Variants in GPR139 observed in about 807,000 individuals in gnomAD.
GPR139 encodes the protein G protein-coupled receptor 139, also known as probable G protein-coupled receptor 139.
Under a neutral mutation model 25.8 loss-of-function variants are expected in GPR139, and 12 were observed. That is an observed-to-expected ratio of 0.47 (90% CI 0.30 to 0.75). The LOEUF is 0.75. Ranked by LOEUF, GPR139 falls within the 30% of genes least tolerant of loss-of-function variation. The pLI is 0.07. For missense variants in GPR139, 380 were observed against 450.2 expected, an observed-to-expected ratio of 0.84 and a Z score of 1.41; for synonymous variants, 184 against 179.9, an observed-to-expected ratio of 1.02 and a Z score of -0.18.
Position 20,031,798 on chromosome 16 carries a change from G to A in GPR139, c.999C>T (p.His333=). 1 of 1,614,244 alleles carries A rather than the reference G, an allele frequency of 6.2e-7. No individual in the cohort carries two copies. Among genetic ancestry groups the A allele is most frequent in the Non-Finnish European group, 8.5e-7 (1 of 1,180,046 alleles). Residue 333 remains histidine (H), a synonymous_variant, in exon 2 of 2, where the codon CAC becomes CAT. Transcript: ENST00000570682. ...SSPWISPANS[H]CIKMLVYQYD... is the part of the protein sequence containing the mutation. Reference sequence around the variant, plus strand: ...ACTGGTACACCAGCATCTTGATGCAGTGTGAGTTTGCCGGCGAGATCCAGG... The same window carrying A: ...ACTGGTACACCAGCATCTTGATGCAATGTGAGTTTGCCGGCGAGATCCAGG...
rs1289092369 is a variant in GPR139 at position 20,073,850 on chromosome 16, G to T, written c.-234C>A. Reference sequence around the variant, plus strand: ...GCGCGGGGCGCAGGGTGCGGGGCGCGCTGCGCGGGGCCTCGGGAGGGGCTC... The same window carrying T: ...GCGCGGGGCGCAGGGTGCGGGGCGCTCTGCGCGGGGCCTCGGGAGGGGCTC... On this transcript the variant is annotated 5_prime_UTR_variant, in exon 1 of 2. Coordinates refer to ENST00000570682, the MANE Select transcript of GPR139 (RefSeq NM_001002911.4). The surrounding 1 kb of genome is among the most constrained non-coding windows in gnomAD (Gnocchi z 4.7). The T allele has an allele frequency of 1.5e-5, 7 of 476,712 alleles. No individual in the cohort carries two copies. Among genetic ancestry groups the T allele is most frequent in the Middle Eastern group, 5.5e-4 (1 of 1,806 alleles). The allele number at this position is 476,712 out of a possible 1,614,324, so 29.5% of individuals were successfully genotyped here.
At chr16:20,059,505 A>G (rs1230863251) in intron 1 of GPR139, among the ~76,000 whole-genome samples, 2 of 152,130 alleles carry the variant, frequency 1.3e-5, no homozygotes, top group Non-Finnish European at 2.9e-5. Context: ...CTGCTCAAAC[A>G]TCACCACTTT....
At chr16:20,063,946 A>G (rs1195990957) in intron 1 of GPR139, among the ~76,000 whole-genome samples, 1 of 152,216 alleles carries the variant, frequency 6.6e-6, no homozygotes, top group Admixed American at 6.5e-5. Flanking sequence ...GCCTCAGGAA[A>G]CTTACAATCA....
intron 1 of GPR139, among the ~76,000 whole-genome samples, chr16:20,044,731 A>G (rs2608176): frequency 0.65 from 98,293 of 152,032 alleles, 32,100 homozygotes; most frequent in African/African-American, 0.66. Context: ...AATACCAGGC[A>G]ATACCTAATA....
At chr16:20,066,778 G>A (rs1222773321) in intron 1 of GPR139, among the ~76,000 whole-genome samples, 3 of 152,174 alleles carry the variant, frequency 2.0e-5, no homozygotes, top group African/African-American at 4.8e-5. Flanking sequence ...GAGTGAACAC[G>A]TGCCGAGAAT....
intron 1 of GPR139, among the ~76,000 whole-genome samples, chr16:20,042,108 C>A (rs2057338582): frequency 6.6e-6 from 1 of 152,108 alleles, no homozygotes; most frequent in Non-Finnish European, 1.5e-5. Flanking sequence ...AACAAGTGAG[C>A]TGATGTCTCT....
chr16:20,073,218 C>T lies in GPR139; in HGVS notation c.127+272G>A, dbSNP rs1479604017. 6.6e-6 allele frequency among the ~76,000 whole-genome samples: 1 copy of T among 151,592 alleles called. No homozygotes were observed. Among genetic ancestry groups the T allele is most frequent in the Non-Finnish European group, 1.5e-5 (1 of 67,944 alleles). On this transcript the variant is annotated intron_variant, in intron 1 of 1. Coordinates refer to ENST00000570682, the MANE Select transcript of GPR139 (RefSeq NM_001002911.4). The surrounding 1 kb of genome is among the most constrained non-coding windows in gnomAD (Gnocchi z 4.7). ...ACAAATGCACCTTCGAATCCATGCT[C>T]ACATGCCCAGCCCATCGCCCGCCGT...
chr16:20,060,936 G>T (rs2057410696), intron 1 of GPR139, among the ~76,000 whole-genome samples: 1 of 152,066 alleles, frequency 6.6e-6, no homozygotes, highest in African/African-American at 2.4e-5. Flanking sequence ...CTTTCCTTGA[G>T]TTCTCTTGTC....
chr16:20,057,840 T>C (rs1459270906), intron 1 of GPR139, among the ~76,000 whole-genome samples: 5 of 152,188 alleles, frequency 3.3e-5, no homozygotes, highest in Non-Finnish European at 5.9e-5. Context: ...CCTCATCTCA[T>C]TGTAGAACTA....
chr16:20,055,131 G>A (rs1232941123), intron 1 of GPR139, among the ~76,000 whole-genome samples: 1 of 142,224 alleles, frequency 7.0e-6, no homozygotes, highest in Admixed American at 7.3e-5. Context: ...GGCCCAATGT[G>A]TGTTGTTCCC....
At chr16:20,043,315 C>G (rs2141205359) in intron 1 of GPR139, among the ~76,000 whole-genome samples, 1 of 152,298 alleles carries the variant, frequency 6.6e-6, no homozygotes, top group Non-Finnish European at 1.5e-5. Context: ...CACATCCAAG[C>G]CAGCCGACAG....
chr16:20,031,403 A>C lies in GPR139; in HGVS notation c.*332T>G. The C allele has an allele frequency of 1.0e-5, 3 of 298,044 alleles. No individual in the cohort carries two copies. Among genetic ancestry groups the C allele is most frequent in the East Asian group, 7.3e-5 (1 of 13,702 alleles). The allele number at this position is 298,044 out of a possible 1,614,324, so 18.5% of individuals were successfully genotyped here. A position where few individuals can be genotyped will look rare whatever the true frequency, so the allele number is the denominator to read the frequency against. ...AATGAAGGGTTCCCAGTGACTGTGG[A>C]TGGTACCAGGGCGAAATCACAGACT... On this transcript the variant is annotated 3_prime_UTR_variant, in exon 2 of 2. Transcript: ENST00000570682.
intron 1 of GPR139, among the ~76,000 whole-genome samples, chr16:20,045,924 A>G (rs1181367768): frequency 6.6e-6 from 1 of 152,188 alleles, no homozygotes. Context: ...TTTTGTGGAC[A>G]CAGGGGTGAA....
intron 1 of GPR139, among the ~76,000 whole-genome samples, chr16:20,072,786 C>T (rs566376960): frequency 3.9e-5 from 6 of 152,278 alleles, no homozygotes; most frequent in African/African-American, 1.4e-4. Context: ...GGAGGCCAAG[C>T]CAGGGGGCCA....
chr16:20,040,671 C>T (rs1383930907), intron 1 of GPR139, among the ~76,000 whole-genome samples: 1 of 152,122 alleles, frequency 6.6e-6, no homozygotes, highest in African/African-American at 2.4e-5. Flanking sequence ...CCCTTTCTTC[C>T]ACTTCTCTCG....
intron 1 of GPR139, among the ~76,000 whole-genome samples, chr16:20,045,925 C>T (rs1436235622): frequency 6.6e-6 from 1 of 152,160 alleles, no homozygotes; most frequent in Non-Finnish European, 1.5e-5. Flanking sequence ...TTTGTGGACA[C>T]AGGGGTGAAG....
intron 1 of GPR139, among the ~76,000 whole-genome samples, chr16:20,051,854 A>G (rs2057373373): frequency 6.6e-6 from 1 of 152,156 alleles, no homozygotes; most frequent in Non-Finnish European, 1.5e-5. Flanking sequence ...AAAAGAAGCA[A>G]TGCCTTCTCG....
intron 1 of GPR139, among the ~76,000 whole-genome samples, chr16:20,064,106 C>A (rs537826959): frequency 1.2e-4 from 19 of 152,310 alleles, no homozygotes; most frequent in Admixed American, 8.5e-4. Flanking sequence ...AACCCTTAAT[C>A]TAATAATTTT....
chr16:20,041,381 G>C (rs2057335520), intron 1 of GPR139, among the ~76,000 whole-genome samples: 1 of 151,442 alleles, frequency 6.6e-6, no homozygotes, highest in African/African-American at 2.4e-5. Context: ...CTGCTTCTGG[G>C]AGGTGCTCCA....
Sources: gnomAD v4.1 joint callset for allele counts (sites outside exome capture counted in the v4.1 genomes callset) on GRCh38, gnomAD v4.1.1 for gene constraint, Gnocchi (gnomAD v3.1) non-coding constraint, MANE v1.5 for transcripts, NCBI Gene and HGNC (gene_info 2026-07-23, HGNC 2026-07-21) for gene names.